ZER1: variants seen among roughly 807,000 people sequenced by gnomAD.
ZER1 encodes protein zer-1 homolog.
Under a neutral mutation model 78.8 loss-of-function variants are expected in ZER1, and 11 were observed. The ratio of observed to expected loss-of-function variants is 0.14; its 90% confidence interval spans 0.09 to 0.23. The LOEUF is 0.23. Ranked by LOEUF, ZER1 falls within the 10% of genes least tolerant of loss-of-function variation. The pLI is 1.00. For synonymous variants in ZER1, 400 were observed against 407.0 expected, an observed-to-expected ratio of 0.98 and a Z score of 0.21; for missense variants, 588 against 996.9, an observed-to-expected ratio of 0.59 and a Z score of 5.52.
intron 13 of ZER1, among the ~76,000 whole-genome samples, chr9:128,738,742 C>A (rs1863182157): frequency 6.6e-6 from 1 of 151,772 alleles, no homozygotes; most frequent in African/African-American, 2.4e-5. Context: ...AGTGCAGTAG[C>A]ATGATGTTGG....
At chr9:128,739,555 G>A (rs1055004539) in intron 13 of ZER1, among the ~76,000 whole-genome samples, 9 of 151,460 alleles carry the variant, frequency 5.9e-5, no homozygotes, top group African/African-American at 1.9e-4. Context: ...TGATCCTCCT[G>A]TCTCAGCTTC....
At chr9:128,766,306 A>T (rs1232287004) in intron 1 of ZER1, among the ~76,000 whole-genome samples, 1 of 147,334 alleles carries the variant, frequency 6.8e-6, no homozygotes, top group Non-Finnish European at 1.5e-5. Flanking sequence ...CCAAGATTGC[A>T]CCACTGTACT....
intron 1 of ZER1, among the ~76,000 whole-genome samples, chr9:128,766,315 C>T (rs1864206044): frequency 6.8e-6 from 1 of 147,412 alleles, no homozygotes; most frequent in Middle Eastern, 3.3e-3. Flanking sequence ...CACCACTGTA[C>T]TCCAGCCTGG....
chr9:128,740,143 T>A lies in ZER1; in HGVS notation c.1854-24A>T. 1 of 1,570,438 alleles carries A rather than the reference T, an allele frequency of 6.4e-7. No individual in the cohort carries two copies. Among genetic ancestry groups the A allele is most frequent in the African/African-American group, 1.4e-5 (1 of 73,848 alleles). On this transcript the variant is annotated intron_variant, in intron 12 of 15. Coordinates refer to ENST00000291900, the MANE Select transcript of ZER1 (RefSeq NM_006336.4). The surrounding 1 kb of genome is among the most constrained non-coding windows in gnomAD (Gnocchi z 4.4). ...TGCTGCCAGGAGAAAGACAGAAAAA[T>A]GGAGTCCCACTCCCCCAGTTTCTCT...
chr9:128,735,808 C>T (rs1186342481), intron 13 of ZER1, among the ~76,000 whole-genome samples: 4 of 115,616 alleles, frequency 3.5e-5, no homozygotes, highest in African/African-American at 3.4e-5. Flanking sequence ...GACGGAGTTT[C>T]GCTCTGTTGC....
At chr9:128,735,756 ACCTG>A (rs1189369089) in intron 13 of ZER1, among the ~76,000 whole-genome samples, 1 of 4,452 alleles carries the variant, frequency 2.2e-4, no homozygotes, top group Non-Finnish European at 5.0e-4. Flanking sequence ...AGCACGTGTG[ACCTG>A]GTTTTTTTTT....
intron 1 of ZER1, among the ~76,000 whole-genome samples, chr9:128,766,401 T>C (rs1374048998): frequency 6.6e-6 from 1 of 150,432 alleles, no homozygotes; most frequent in Non-Finnish European, 1.5e-5. Context: ...TGTTAATTAA[T>C]TGAATTCTCT....
chr9:128,765,563 G>A (rs1035948423), intron 1 of ZER1, among the ~76,000 whole-genome samples: 2 of 152,118 alleles, frequency 1.3e-5, no homozygotes, highest in African/African-American at 4.8e-5. Flanking sequence ...GTCTGGAGGT[G>A]GGAGCATGGG....
At position 128,771,758 on chromosome 9, in the gene ZER1, C is replaced by T. The variant is rs1589555167; in HGVS notation, c.-272G>A. On this transcript the variant is annotated 5_prime_UTR_variant, in exon 1 of 16. Transcript: ENST00000291900. Reference sequence around the variant, plus strand: ...GGTCGGCGGGGCGGAGCTTGGGATCCCGGGGACGGGAGCTCCGGGAGGGAG... The same window carrying T: ...GGTCGGCGGGGCGGAGCTTGGGATCTCGGGGACGGGAGCTCCGGGAGGGAG... The T allele has an allele frequency of 6.6e-6, 1 of 152,350 alleles. No individual in the cohort carries two copies. Among genetic ancestry groups the T allele is most frequent in the African/African-American group, 2.4e-5 (1 of 41,446 alleles). The allele number at this position is 152,350 out of a possible 1,614,324, so 9.4% of individuals were successfully genotyped here.
intron 13 of ZER1, among the ~76,000 whole-genome samples, chr9:128,735,839 G>A (rs1182920888): frequency 8.0e-6 from 1 of 125,376 alleles, no homozygotes; most frequent in Non-Finnish European, 1.6e-5. Flanking sequence ...GTGCACTGGT[G>A]CAATCTCCAC....
At position 128,754,012 on chromosome 9, in the gene ZER1, C is replaced by T. The variant is rs1211109423; in HGVS notation, c.159-53G>A. 3.9e-6 allele frequency: 6 copies of T among 1,541,272 alleles called. No individual in the cohort carries two copies. The highest frequency in any genetic ancestry group is 2.4e-5 in the East Asian group (1 of 40,898). On this transcript the variant is annotated intron_variant, in intron 2 of 15. Coordinates refer to ENST00000291900, the MANE Select transcript of ZER1 (RefSeq NM_006336.4). The surrounding 1 kb of genome is among the most constrained non-coding windows in gnomAD (Gnocchi z 4.3). The stretch of plus-strand genomic sequence containing the variant: ...AGAGGGCCACAGGGACTCTCATCCT[C>T]GCTTCAAAGCCAAGCCCTCCTCCCC...
rs779467381 is a variant in ZER1, at chr9:128,753,854, AC to A, written c.263del (p.Arg88LeufsTer23). ...RSTRLTRIHL[R>X]EDLVQDQDLE... is the part of the protein sequence containing the mutation. ...GGTCCTGGTCCTGCACCAGGTCCTC[AC>A]GGAGGTGGATCCGCGTGAGGCGGGT... On this transcript the variant is annotated frameshift_variant, in exon 3 of 16. Coordinates refer to ENST00000291900, the MANE Select transcript of ZER1 (RefSeq NM_006336.4). LOFTEE classifies it high-confidence loss of function. This position sits in a 1 kb window ranked among gnomAD's most constrained non-coding sequence, Gnocchi z 7.5. 2 of 1,603,588 alleles carry A rather than the reference AC, an allele frequency of 1.2e-6. No homozygotes were observed. Among genetic ancestry groups the A allele is most frequent in the African/African-American group, 1.3e-5 (1 of 74,932 alleles).
chr9:128,731,465 A>C lies in ZER1; in HGVS notation c.2244-71T>G, dbSNP rs370413257. 3.1e-5 allele frequency: 41 copies of C among 1,301,934 alleles called. No individual in the cohort carries two copies. In the African/African-American group the frequency reaches 5.5e-4, roughly 18 times the overall value. 80.6% of individuals were successfully genotyped at this position (1,301,934 alleles called of 1,614,324 possible). ...GGGTGAGCCCAGCCCCTCCGAGATCATTAGGCAGCTGGGTAAACACGTGTT... is the reference window on the plus strand; with the variant it reads ...GGGTGAGCCCAGCCCCTCCGAGATCCTTAGGCAGCTGGGTAAACACGTGTT... On this transcript the variant is annotated intron_variant, in intron 15 of 15. Coordinates refer to ENST00000291900, the MANE Select transcript of ZER1 (RefSeq NM_006336.4).
chr9:128,733,788 T>A lies in ZER1; in HGVS notation c.2141-260A>T, dbSNP rs7864106. Among the ~76,000 whole-genome samples the A allele has an allele frequency of 0.98, 142,162 of 145,454 alleles. 69,512 individuals are homozygous for A. The highest frequency in any genetic ancestry group is 1 in the Non-Finnish European group (66,590 of 66,812). ...TATTTCCAGAGCTCATTCTTTTTTT[T>A]AAAAAAAAATTATATATATATATAT... On this transcript the variant is annotated intron_variant, in intron 14 of 15. Transcript: ENST00000291900.
intron 7 of ZER1, 24 bp from the exon 8 acceptor site, chr9:128,750,813 G>C (rs1225260176): frequency 6.2e-7 from 1 of 1,613,500 alleles, no homozygotes; most frequent in African/African-American, 1.3e-5. Flanking sequence ...AGGGGGACCT[G>C]GGCTGGCAAG....
intron 15 of ZER1, 149 bp from the exon 16 acceptor site, chr9:128,731,543 G>C: frequency 3.1e-6 from 2 of 637,104 alleles, no homozygotes; most frequent in Non-Finnish European, 2.7e-6. Context: ...CTGGCAGAGT[G>C]GCTGGCATGT....
intron 4 of ZER1, 48 bp from the exon 5 acceptor site, chr9:128,752,897 G>T (rs756084455): frequency 6.3e-7 from 1 of 1,576,260 alleles, no homozygotes; most frequent in South Asian, 1.2e-5. Context: ...GTACAGGGTG[G>T]GGCTGCCTTG....
chr9:128,761,687 C>T (rs927966566), intron 1 of ZER1, among the ~76,000 whole-genome samples: 4 of 150,076 alleles, frequency 2.7e-5, no homozygotes, highest in Admixed American at 2.0e-4. Context: ...TCACTGCAAG[C>T]TCCGCCTCCT....
rs1453142534 is a variant in ZER1 at position 128,755,524 on chromosome 9, A to G, written c.42T>C (p.Thr14=). The part of the protein sequence containing the change: ...DTPESLMALC[T]DFCLRNLDGT... Reference sequence around the variant, plus strand: ...CATCCAGGTTGCGCAAGCAGAAGTCAGTACAGAGGGCCATCAGCGACTCGG... The same window carrying G: ...CATCCAGGTTGCGCAAGCAGAAGTCGGTACAGAGGGCCATCAGCGACTCGG... Residue 14 remains threonine, a synonymous_variant, in exon 2 of 16, where the codon ACT becomes ACC. Transcript: ENST00000291900. This position sits in a 1 kb window ranked among gnomAD's most constrained non-coding sequence, Gnocchi z 5.6. 2 of 1,613,942 alleles carry G rather than the reference A, an allele frequency of 1.2e-6. No individual in the cohort carries two copies. Among genetic ancestry groups the G allele is most frequent in the South Asian group, 2.2e-5 (2 of 91,070 alleles).
Sources: gnomAD v4.1 joint callset for allele counts (sites outside exome capture counted in the v4.1 genomes callset) on GRCh38, gnomAD v4.1.1 for gene constraint, Gnocchi (gnomAD v3.1) non-coding constraint, MANE v1.5 for transcripts, NCBI Gene and HGNC (gene_info 2026-07-23, HGNC 2026-07-21) for gene names.